TTLL11: variants seen among roughly 807,000 people sequenced by gnomAD.
TTLL11 encodes tubulin polyglutamylase TTLL11.
Under a neutral mutation model 51.7 loss-of-function variants are expected in TTLL11, and 42 were observed. That is an observed-to-expected ratio of 0.81 (90% CI 0.64 to 1.05). The LOEUF (loss-of-function observed/expected upper bound fraction) is 1.05, where lower values mean the gene tolerates loss of function less well. Among genes scored for constraint, TTLL11 ranks in the 50% least tolerant of loss-of-function variants. The pLI is 0.00. For missense variants in TTLL11, 799 were observed against 940.4 expected, an observed-to-expected ratio of 0.85 and a Z score of 1.97; for synonymous variants, 381 against 383.5, an observed-to-expected ratio of 0.99 and a Z score of 0.08.
chr9:121,860,368 C>A lies in TTLL11; in HGVS notation c.1809G>T (p.Trp603Cys). ...CCCGCTGGTCCAGGGTCATGGAGTT[C>A]CACCTCCGTGTGATGTCAATGTAGA... ...DILYIDITRR[W>C]NSMTLDQRDS... Residue 603 changes from tryptophan (W) to cysteine (C), a missense_variant, in exon 8 of 9, where the codon TGG (tryptophan) becomes TGT (cysteine). This residue lies in a region of TTLL11 where 165 missense variants were observed against 166.1 expected (regional missense o/e 0.99). Coordinates refer to ENST00000321582, the MANE Select transcript of TTLL11 (RefSeq NM_001139442.2). 6.4e-7 allele frequency: 1 copy of A among 1,551,480 alleles called. No homozygotes were observed. Among genetic ancestry groups the A allele is most frequent in the Non-Finnish European group, 8.7e-7 (1 of 1,146,940 alleles).
In TTLL11 at chr9:121,973,994, TA is replaced by T; in HGVS notation, c.1481+14del. 6.5e-7 allele frequency: 1 copy of T among 1,545,338 alleles called. No homozygotes were observed. Among genetic ancestry groups the T allele is most frequent in the Admixed American group, 2.0e-5 (1 of 50,842 alleles). On this transcript the variant is annotated intron_variant, in intron 6 of 8. Transcript: ENST00000321582. ...GCAGAGTTGATAGAAATGAATGACA[TA>T]AAAAAGTACTTACTGATTCTCTCTT...
chr9:122,018,496 C>T (rs574369600), intron 3 of TTLL11, among the ~76,000 whole-genome samples: 135 of 152,198 alleles, frequency 8.9e-4, no homozygotes, highest in Non-Finnish European at 1.8e-3. Context: ...TGATGCTTTG[C>T]TTCAGAAGCA....
At chr9:122,013,566 G>A (rs1298083728) in intron 3 of TTLL11, among the ~76,000 whole-genome samples, 1 of 152,230 alleles carries the variant, frequency 6.6e-6, no homozygotes, top group African/African-American at 2.4e-5. Flanking sequence ...GGAGCCAACA[G>A]GAAGGATGCC....
intron 7 of TTLL11, among the ~76,000 whole-genome samples, chr9:121,868,589 G>A (rs1028121106): frequency 6.6e-6 from 1 of 152,172 alleles, no homozygotes; most frequent in Non-Finnish European, 1.5e-5. Context: ...CAACCCTGAA[G>A]TGGAAGTATG....
intron 1 of TTLL11, among the ~76,000 whole-genome samples, chr9:122,076,422 G>C (rs1376016765): frequency 6.6e-6 from 1 of 152,168 alleles, no homozygotes; most frequent in African/African-American, 2.4e-5. Context: ...ATCCTCAGTG[G>C]GTGAAACTGG....
chr9:121,840,221 G>A (rs1588061119), intron 8 of TTLL11, among the ~76,000 whole-genome samples: 3 of 152,114 alleles, frequency 2.0e-5, no homozygotes, highest in South Asian at 4.1e-4. Flanking sequence ...TAGGGCAACC[G>A]CAAGAGAAGA....
chr9:121,924,801 C>T (rs1191849198), intron 6 of TTLL11, among the ~76,000 whole-genome samples: 1 of 150,752 alleles, frequency 6.6e-6, no homozygotes, highest in Non-Finnish European at 1.5e-5. Context: ...AATCGTCAAG[C>T]CCAGCTACTT....
intron 8 of TTLL11, among the ~76,000 whole-genome samples, chr9:121,823,806 T>C (rs1836658755): frequency 6.6e-6 from 1 of 152,180 alleles, no homozygotes; most frequent in Non-Finnish European, 1.5e-5. Context: ...AAAGAATAAA[T>C]AGTCATCCCT....
intron 1 of TTLL11, among the ~76,000 whole-genome samples, chr9:122,047,931 T>C (rs1033753690): frequency 5.3e-5 from 8 of 152,154 alleles, no homozygotes; most frequent in Admixed American, 4.6e-4. Context: ...GCCATAATCC[T>C]GAGAATCACC....
chr9:121,936,265 C>T lies in TTLL11; in HGVS notation c.1481+37744G>A, dbSNP rs73662536. On this transcript the variant is annotated intron_variant, in intron 6 of 8. Transcript: ENST00000321582. ...AGACCTCTTTCTTCTTTCTTTCTTT[C>T]TTTTTTTTTTTTATTGGAGACAGGG... 4.9e-3 allele frequency among the ~76,000 whole-genome samples: 406 copies of T among 82,308 alleles called. 3 individuals carry two copies. Among genetic ancestry groups the T allele is most frequent in the African/African-American group, 0.018 (280 of 15,908 alleles). 54.0% of individuals were successfully genotyped at this position (82,308 alleles called of 152,430 possible). A position where few individuals can be genotyped will look rare whatever the true frequency, so the allele number is the denominator to read the frequency against.
rs1283818227 is a variant in TTLL11 at position 121,820,149 on chromosome 9, A to G, written c.*2438T>C. On this transcript the variant is annotated 3_prime_UTR_variant, in exon 9 of 9. Coordinates refer to ENST00000321582, the MANE Select transcript of TTLL11 (RefSeq NM_001139442.2). ...GCATGGGGTGGGAGAGGCCCTCACC[A>G]GGAGAGCTGATGTTTTCATATCACC... 1.3e-5 allele frequency among the ~76,000 whole-genome samples: 2 copies of G among 152,250 alleles called. No individual in the cohort carries two copies. Among genetic ancestry groups the G allele is most frequent in the East Asian group, 1.9e-4 (1 of 5,202 alleles).
At chr9:121,969,686 T>G (rs1157860059) in intron 6 of TTLL11, among the ~76,000 whole-genome samples, 2 of 152,140 alleles carry the variant, frequency 1.3e-5, no homozygotes, top group African/African-American at 4.8e-5. Flanking sequence ...TCCATTTGTT[T>G]TTTTCAAAAA....
intron 6 of TTLL11, among the ~76,000 whole-genome samples, chr9:121,955,184 G>T (rs930101354): frequency 6.6e-6 from 1 of 152,158 alleles, no homozygotes; most frequent in Non-Finnish European, 1.5e-5. Flanking sequence ...AGCACCGTTG[G>T]TTTACTTCAA....
chr9:121,877,094 T>C (rs1228774645), intron 6 of TTLL11, among the ~76,000 whole-genome samples: 1 of 152,224 alleles, frequency 6.6e-6, no homozygotes, highest in Non-Finnish European at 1.5e-5. Flanking sequence ...GAGAGCCTTG[T>C]GGCAGTGGTG....
At chr9:121,876,383 T>C (rs1053794484) in intron 6 of TTLL11, among the ~76,000 whole-genome samples, 4 of 152,214 alleles carry the variant, frequency 2.6e-5, no homozygotes, top group Non-Finnish European at 5.9e-5. Context: ...CCATGAAACA[T>C]GTTCCAAGCA....
intron 1 of TTLL11, among the ~76,000 whole-genome samples, chr9:122,069,787 C>T (rs2131890672): frequency 6.6e-6 from 1 of 152,194 alleles, no homozygotes; most frequent in East Asian, 1.9e-4. Context: ...CCCTGCTGGA[C>T]AGCCCCAGAG....
chr9:121,887,132 T>C (rs1397448370), intron 6 of TTLL11, among the ~76,000 whole-genome samples: 1 of 152,210 alleles, frequency 6.6e-6, no homozygotes, highest in African/African-American at 2.4e-5. Flanking sequence ...GATAATAGTA[T>C]GTTTTTCCTA....
chr9:122,045,101 A>T (rs78888890), intron 1 of TTLL11, among the ~76,000 whole-genome samples: 3,706 of 151,236 alleles, frequency 0.025, 135 homozygotes, highest in African/African-American at 0.086. Context: ...GACCCTATCT[A>T]AAAAAAAAGA....
intron 3 of TTLL11, among the ~76,000 whole-genome samples, chr9:122,007,449 T>C (rs1323731654): frequency 7.3e-6 from 1 of 136,444 alleles, no homozygotes; most frequent in Non-Finnish European, 1.5e-5. Flanking sequence ...CACTCCAGCC[T>C]GGGCAACAAG....
Sources: allele counts gnomAD v4.1 joint callset (sites outside exome capture counted in the v4.1 genomes callset), GRCh38; gene constraint gnomAD v4.1.1; regional missense constraint gnomAD v4.1.1; transcripts MANE v1.5; gene names NCBI Gene and HGNC (gene_info 2026-07-23, HGNC 2026-07-21).